CLTC: variants seen among roughly 807,000 people sequenced by gnomAD.
The protein encoded by CLTC is clathrin heavy chain.
In CLTC, 16 loss-of-function variants were observed where a neutral mutation model predicts 195.8. That is an observed-to-expected ratio of 0.08 (90% CI 0.06 to 0.12). The LOEUF (loss-of-function observed/expected upper bound fraction) is 0.12, where lower values mean the gene tolerates loss of function less well. Ranked by LOEUF, CLTC falls within the 10% of genes least tolerant of loss-of-function variation. The pLI is 1.00. For missense variants in CLTC, 796 were observed against 2,027.0 expected (o/e 0.39, Z 11.66); for synonymous variants, 667 against 689.4 (o/e 0.97, Z 0.51).
chr17:59,690,740 T>G (rs772024319), intron 31 of CLTC, 29 bp downstream of exon 31: 2 of 1,512,436 alleles, frequency 1.3e-6, no homozygotes, highest in African/African-American at 2.8e-5. Flanking sequence ...CTCAAAAAAT[T>G]CATTAGACAA....
Position 59,620,033 on chromosome 17 carries a change from C to A in CLTC, c.-99C>A. The A allele has an allele frequency of 1.9e-6, 2 of 1,067,608 alleles. No individual in the cohort carries two copies. Among genetic ancestry groups the A allele is most frequent in the Non-Finnish European group, 1.4e-6 (1 of 705,398 alleles). 66.1% of individuals were successfully genotyped at this position (1,067,608 alleles called of 1,614,324 possible). ...CCGGAGAGGATCCTGCTGAGCCCAG[C>A]CTCCCCCCTCCCCTTCTCCTCCTCT... On this transcript the variant is annotated 5_prime_UTR_variant, in exon 1 of 32. Coordinates refer to ENST00000269122, the MANE Select transcript of CLTC (RefSeq NM_004859.4).
chr17:59,636,574 G>A (rs1009816872), intron 1 of CLTC, among the ~76,000 whole-genome samples: 2 of 151,606 alleles, frequency 1.3e-5, no homozygotes, highest in African/African-American at 2.4e-5. Context: ...GTCTTGAACC[G>A]AACTCCTGGC....
chr17:59,650,534 C>T (rs1221885997), intron 4 of CLTC, among the ~76,000 whole-genome samples: 3 of 138,832 alleles, frequency 2.2e-5, no homozygotes, highest in Non-Finnish European at 4.5e-5. Context: ...GTTGCCCAGG[C>T]TGGAATGCAG....
chr17:59,688,186 T>A (rs536587077), intron 30 of CLTC, among the ~76,000 whole-genome samples: 2 of 152,328 alleles, frequency 1.3e-5, no homozygotes, highest in South Asian at 4.1e-4. Context: ...ATCATACTAT[T>A]TTTGAAACTC....
At chr17:59,673,185 T>TA (rs146536807) in intron 14 of CLTC, among the ~76,000 whole-genome samples, 69 of 151,748 alleles carry the variant, frequency 4.5e-4, no homozygotes, top group African/African-American at 1.6e-3. Flanking sequence ...TATAATAGAG[T>TA]ATTAGAGGCT....
At position 59,620,088 on chromosome 17, in the gene CLTC, C is replaced by A. The variant is rs377398430; in HGVS notation, c.-44C>A. 3.1e-6 allele frequency: 5 copies of A among 1,607,790 alleles called. No individual in the cohort carries two copies. The highest frequency in any genetic ancestry group is 4.3e-6 in the Non-Finnish European group (5 of 1,174,632). ...TGGAGAGCCCGGGCAGCCACTGCCC[C>A]GCAGCCCCAGTGACAGGAGGAGACC... On this transcript the variant is annotated 5_prime_UTR_variant, in exon 1 of 32. Transcript: ENST00000269122.
intron 14 of CLTC, 124 bp downstream of exon 14, chr17:59,669,064 T>A: frequency 1.3e-6 from 1 of 754,212 alleles, no homozygotes; most frequent in East Asian, 3.0e-5. Context: ...TTAAGTTGTG[T>A]GCTGGATTAT....
chr17:59,660,748 AG>A (rs2032589596), intron 7 of CLTC, among the ~76,000 whole-genome samples, 160 bp downstream of exon 7: 1 of 152,178 alleles, frequency 6.6e-6, no homozygotes, highest in Non-Finnish European at 1.5e-5. Flanking sequence ...CAATGCCTCT[AG>A]ATTTGGTTAA....
At position 59,683,050 on chromosome 17, in the gene CLTC, T is replaced by C. The variant is rs761247904; in HGVS notation, c.3873+36T>C. On this transcript the variant is annotated intron_variant, in intron 24 of 31. Coordinates refer to ENST00000269122, the MANE Select transcript of CLTC (RefSeq NM_004859.4). The surrounding 1 kb of genome is among the most constrained non-coding windows in gnomAD (Gnocchi z 6.1). ...GACTTTTATATGACCTGAGATCTTT[T>C]ACCATAGATATTCTTATCTTTAACT... The C allele has an allele frequency of 4.7e-5, 76 of 1,613,914 alleles. No homozygotes were observed. The highest frequency in any genetic ancestry group is 5.9e-5 in the Non-Finnish European group (70 of 1,179,826).
In CLTC at chr17:59,666,340, C is replaced by T; in HGVS notation, c.1782+100C>T. The T allele has an allele frequency of 3.3e-6, 5 of 1,492,838 alleles. No homozygotes were observed. The highest frequency in any genetic ancestry group is 4.6e-6 in the Non-Finnish European group (5 of 1,094,038). 92.5% of individuals were successfully genotyped at this position (1,492,838 alleles called of 1,614,324 possible). Reference sequence around the variant, plus strand: ...TGCAAAGCTACTGAGGGGCCTACTCCTTATTAAAGAAAATGTAGCTATTAT... The same window carrying T: ...TGCAAAGCTACTGAGGGGCCTACTCTTTATTAAAGAAAATGTAGCTATTAT... On this transcript the variant is annotated intron_variant, in intron 11 of 31. Coordinates refer to ENST00000269122, the MANE Select transcript of CLTC (RefSeq NM_004859.4). The surrounding 1 kb of genome is among the most constrained non-coding windows in gnomAD (Gnocchi z 4.9).
In CLTC at chr17:59,666,361, A is replaced by C; in HGVS notation, c.1783-119A>C. On this transcript the variant is annotated intron_variant, in intron 11 of 31. Transcript: ENST00000269122. This position sits in a 1 kb window ranked among gnomAD's most constrained non-coding sequence, Gnocchi z 4.9. ...ACTCCTTATTAAAGAAAATGTAGCTATTATAATATTCTTTTGTACTTTAAC... is the reference window on the plus strand; with the variant it reads ...ACTCCTTATTAAAGAAAATGTAGCTCTTATAATATTCTTTTGTACTTTAAC... 6.8e-7 allele frequency: 1 copy of C among 1,475,316 alleles called. No homozygotes were observed. The highest frequency in any genetic ancestry group is 9.2e-7 in the Non-Finnish European group (1 of 1,083,804). The allele number at this position is 1,475,316 out of a possible 1,614,324, so 91.4% of individuals were successfully genotyped here. A position where few individuals can be genotyped will look rare whatever the true frequency, so the allele number is the denominator to read the frequency against.
chr17:59,646,031 TA>T, intron 2 of CLTC: 1 of 800,918 alleles, frequency 1.2e-6, no homozygotes, highest in Non-Finnish European at 1.5e-6. Flanking sequence ...TGAGTTATCT[TA>T]AATTAGATTG....
At chr17:59,667,953 A>C (rs967816219) in intron 13 of CLTC, among the ~76,000 whole-genome samples, 2 of 152,196 alleles carry the variant, frequency 1.3e-5, no homozygotes, top group African/African-American at 4.8e-5. Flanking sequence ...CCCAGTTTCA[A>C]AATGTTAACT....
intron 1 of CLTC, among the ~76,000 whole-genome samples, chr17:59,638,906 C>T (rs1460494871): frequency 6.6e-6 from 1 of 152,140 alleles, no homozygotes. Context: ...CCCACCTCCC[C>T]CTGTTAATAG....
At chr17:59,629,557 G>C (rs547940439) in intron 1 of CLTC, among the ~76,000 whole-genome samples, 1 of 122,872 alleles carries the variant, frequency 8.1e-6, no homozygotes, top group East Asian at 2.4e-4. Context: ...GTCTTGCTCT[G>C]TCGCCCAGGC....
At chr17:59,629,522 T>TG (rs1357237250) in intron 1 of CLTC, among the ~76,000 whole-genome samples, 3 of 148,104 alleles carry the variant, frequency 2.0e-5, no homozygotes, top group East Asian at 3.9e-4. Flanking sequence ...ATCATAATTT[T>TG]TTTTTTTTTT....
chr17:59,655,478 T>G (rs755747307), intron 5 of CLTC, among the ~76,000 whole-genome samples: 10 of 152,172 alleles, frequency 6.6e-5, no homozygotes, highest in Non-Finnish European at 1.5e-4. Context: ...ACAGAGACAC[T>G]GAAGAGAGCA....
At chr17:59,660,337 T>C in intron 6 of CLTC, 54 bp from the exon 7 acceptor site, 2 of 1,482,130 alleles carry the variant, frequency 1.3e-6, no homozygotes, top group Non-Finnish European at 1.9e-6. Context: ...AGATTTGGTA[T>C]CATTTGTATC....
chr17:59,675,713 T>A (rs530294355), intron 16 of CLTC, among the ~76,000 whole-genome samples: 1 of 152,208 alleles, frequency 6.6e-6, no homozygotes. Flanking sequence ...TCTGAACCTA[T>A]TGAATCTATT....
Sources: allele counts gnomAD v4.1 joint callset (sites outside exome capture counted in the v4.1 genomes callset), GRCh38; gene constraint gnomAD v4.1.1; non-coding constraint Gnocchi (gnomAD v3.1); transcripts MANE v1.5; gene names NCBI Gene and HGNC (gene_info 2026-07-23, HGNC 2026-07-21).